The following GREB1L variants were observed in gnomAD, a reference collection of about 807,000 sequenced individuals.
GREB1L encodes GREB1 like retinoic acid receptor coactivator.
A neutral mutation model predicts 200.8 loss-of-function variants in GREB1L; 17 were observed. That is an observed-to-expected ratio of 0.08 (90% CI 0.06 to 0.13). The LOEUF is 0.13. Among genes scored for constraint, GREB1L ranks in the 10% least tolerant of loss-of-function variants. The pLI is 1.00. For synonymous variants in GREB1L, 789 were observed against 893.0 expected, an observed-to-expected ratio of 0.88 and a Z score of 2.08; for missense variants, 1,657 against 2,367.7, an observed-to-expected ratio of 0.70 and a Z score of 6.23.
intron 2 of GREB1L, among the ~76,000 whole-genome samples, chr18:21,383,168 G>GTGA (rs2040394620): frequency 6.6e-6 from 1 of 152,154 alleles, no homozygotes; most frequent in African/African-American, 2.4e-5. Flanking sequence ...TCCTATAAAG[G>GTGA]TGATATGGCC....
At chr18:21,355,262 C>T (rs1398867663) in intron 1 of GREB1L, among the ~76,000 whole-genome samples, 11 of 150,456 alleles carry the variant, frequency 7.3e-5, no homozygotes, top group South Asian at 2.1e-4. Flanking sequence ...GGTGCAATCT[C>T]GGCTCACTGT....
At chr18:21,380,101 G>A (rs977357881) in intron 2 of GREB1L, among the ~76,000 whole-genome samples, 4 of 152,010 alleles carry the variant, frequency 2.6e-5, no homozygotes, top group Non-Finnish European at 5.9e-5. Context: ...TAGGACCCTG[G>A]CTTTTTCTTC....
chr18:21,430,845 C>G (rs1332074175), intron 7 of GREB1L, among the ~76,000 whole-genome samples: 1 of 151,364 alleles, frequency 6.6e-6, no homozygotes, highest in Admixed American at 6.6e-5. Context: ...ATCTGCCCAC[C>G]TCGGCCTCCC....
chr18:21,334,862 A>G (rs2039161404), intron 1 of GREB1L, among the ~76,000 whole-genome samples: 1 of 152,176 alleles, frequency 6.6e-6, no homozygotes, highest in Non-Finnish European at 1.5e-5. Context: ...TTAAAACTGG[A>G]GGTAATTCAT....
intron 7 of GREB1L, among the ~76,000 whole-genome samples, chr18:21,433,628 A>C (rs1223232690): frequency 2.0e-5 from 3 of 152,204 alleles, no homozygotes; most frequent in African/African-American, 4.8e-5. Context: ...TCAGGCCCTT[A>C]GAGAAGCATG....
intron 7 of GREB1L, among the ~76,000 whole-genome samples, chr18:21,433,350 A>G (rs2033305259): frequency 6.6e-6 from 1 of 152,226 alleles, no homozygotes; most frequent in Admixed American, 6.5e-5. Context: ...ATATAAGATG[A>G]ATTATCACTC....
chr18:21,308,508 G>A (rs2044190), intron 1 of GREB1L, among the ~76,000 whole-genome samples: 22,353 of 152,076 alleles, frequency 0.15, 3,543 homozygotes, highest in African/African-American at 0.39. Context: ...TATCACCGTC[G>A]TCATCATCGT....
chr18:21,335,516 C>T (rs80325746), intron 1 of GREB1L, among the ~76,000 whole-genome samples: 1 of 152,170 alleles, frequency 6.6e-6, no homozygotes, highest in East Asian at 1.9e-4. Flanking sequence ...TTTTGTTTTA[C>T]ATGTAAAAGC....
At chr18:21,430,273 CT>C (rs1007170825) in intron 7 of GREB1L, among the ~76,000 whole-genome samples, 11 of 148,102 alleles carry the variant, frequency 7.4e-5, no homozygotes, top group South Asian at 2.2e-4. Context: ...GTTTATAATG[CT>C]TTTTTTTTTC....
rs190607334 is a variant in GREB1L at position 21,427,531 on chromosome 18, C to T, written c.833-11990C>T. Among the ~76,000 whole-genome samples, 3 of 152,168 alleles carry T rather than the reference C, an allele frequency of 2.0e-5. No individual in the cohort carries two copies. In the East Asian group the frequency reaches 5.8e-4, roughly 29 times the overall value. The stretch of plus-strand genomic sequence containing the variant: ...AAAAAACAAAAAACAAAAAAACCAA[C>T]AATGGTTTGTAGTTTTCATAGTATA... On this transcript the variant is annotated intron_variant, in intron 7 of 32. Transcript: ENST00000424526.
At chr18:21,300,811 G>A (rs1172797443) in intron 1 of GREB1L, among the ~76,000 whole-genome samples, 30 of 152,076 alleles carry the variant, frequency 2.0e-4, no homozygotes, top group African/African-American at 6.8e-4. Flanking sequence ...CACACCATCC[G>A]TGTGTGAGGG....
intron 1 of GREB1L, among the ~76,000 whole-genome samples, chr18:21,283,326 GA>G (rs752359628): frequency 2.6e-5 from 4 of 151,962 alleles, no homozygotes; most frequent in South Asian, 2.1e-4. Context: ...AATTCTGTGG[GA>G]AAAAAAATCC....
chr18:21,357,124 G>A (rs1191175287), intron 1 of GREB1L, among the ~76,000 whole-genome samples: 4 of 152,040 alleles, frequency 2.6e-5, no homozygotes, highest in African/African-American at 4.8e-5. Flanking sequence ...GCACAATCTC[G>A]GCTCACTGCA....
At chr18:21,244,500 C>T (rs2143814016) in intron 1 of GREB1L, among the ~76,000 whole-genome samples, 1 of 152,254 alleles carries the variant, frequency 6.6e-6, no homozygotes, top group Middle Eastern at 3.4e-3. Context: ...AACTTTGTTT[C>T]CCACTCAGTT....
At chr18:21,500,486 C>T in intron 22 of GREB1L, 54 bp from the exon 23 acceptor site, 1 of 1,294,186 alleles carries the variant, frequency 7.7e-7, no homozygotes, top group Non-Finnish European at 1.1e-6. Flanking sequence ...TTTCTCTTTT[C>T]TTCCCCTCTC....
At chr18:21,421,736 G>A (rs2032165987) in intron 7 of GREB1L, among the ~76,000 whole-genome samples, 1 of 152,164 alleles carries the variant, frequency 6.6e-6, no homozygotes, top group South Asian at 2.1e-4. Context: ...CAGACTGTAA[G>A]GAGGGTTAAT....
At position 21,446,315 on chromosome 18, in the gene GREB1L, G is replaced by A. The variant is rs1449018700; in HGVS notation, c.1393+1906G>A. ...TGGGATTACAGGCATGAGTCACCAC[G>A]CCCGGCCTCCTTTTCAATCTTAATA... On this transcript the variant is annotated intron_variant, in intron 11 of 32. Coordinates refer to ENST00000424526, the MANE Select transcript of GREB1L (RefSeq NM_001142966.3). 2.6e-5 allele frequency among the ~76,000 whole-genome samples: 4 copies of A among 152,328 alleles called. No individual in the cohort carries two copies. In the South Asian group the frequency reaches 8.3e-4, roughly 32 times the overall value.
intron 10 of GREB1L, 68 bp downstream of exon 10, chr18:21,441,605 G>GT (rs2033905865): frequency 9.6e-6 from 13 of 1,358,494 alleles, no homozygotes; most frequent in Non-Finnish European, 1.3e-5. Context: ...ATTTCATTGT[G>GT]TTTTTTCATG....
chr18:21,519,524 C>T (rs1329297149), intron 31 of GREB1L, among the ~76,000 whole-genome samples: 1 of 152,130 alleles, frequency 6.6e-6, no homozygotes, highest in Non-Finnish European at 1.5e-5. Context: ...TATGTAAGTA[C>T]TGTAAAAGAT....
Sources: gnomAD v4.1 joint callset for allele counts (sites outside exome capture counted in the v4.1 genomes callset) on GRCh38, gnomAD v4.1.1 for gene constraint, MANE v1.5 for transcripts, NCBI Gene and HGNC (gene_info 2026-07-23, HGNC 2026-07-21) for gene names.